The following NACC2 variants were observed in gnomAD, a reference collection of about 807,000 sequenced individuals.
NACC2 encodes NACC family member 2.
A neutral mutation model predicts 25.1 loss-of-function variants in NACC2; 8 were observed. The ratio of observed to expected loss-of-function variants is 0.32; its 90% CI spans 0.19 to 0.57. The LOEUF is 0.57. Among genes scored for constraint, NACC2 ranks in the 20% least tolerant of loss-of-function variants. The pLI is 0.89. For missense variants in NACC2, 644 were observed against 650.2 expected (o/e 0.99, Z 0.10); for synonymous variants, 435 against 294.7 (o/e 1.48, Z -4.88).
At chr9:136,081,165 T>G (rs1195855878) in intron 1 of NACC2, among the ~76,000 whole-genome samples, 1 of 152,068 alleles carries the variant, frequency 6.6e-6, no homozygotes, top group Non-Finnish European at 1.5e-5. Flanking sequence ...GGACCCTCAG[T>G]GGCCACTCGG....
chr9:136,093,033 C>T (rs978437364), intron 1 of NACC2, among the ~76,000 whole-genome samples: 1 of 152,188 alleles, frequency 6.6e-6, no homozygotes, highest in South Asian at 2.1e-4. Context: ...GGCCACTGGG[C>T]ACTCGGTGCC....
rs1840082341 is a variant in NACC2, at chr9:136,010,177, T to C, written c.*1339A>G. 1 of 152,464 alleles carries C rather than the reference T, an allele frequency of 6.6e-6. No individual in the cohort carries two copies. Among genetic ancestry groups the C allele is most frequent in the South Asian group, 2.1e-4 (1 of 4,854 alleles). 9.4% of individuals were successfully genotyped at this position (152,464 alleles called of 1,614,324 possible). ...TCTTCCATGGGCCCTTCCTCCACTG[T>C]CCCTGGCCCCCCAACATGATCCCTA... On this transcript the variant is annotated 3_prime_UTR_variant, in exon 6 of 6. Transcript: ENST00000277554. This position sits in a 1 kb window ranked among gnomAD's most constrained non-coding sequence, Gnocchi z 4.9.
At chr9:136,045,482 C>T (rs1350919000) in intron 2 of NACC2, among the ~76,000 whole-genome samples, 1 of 151,898 alleles carries the variant, frequency 6.6e-6, no homozygotes, top group Non-Finnish European at 1.5e-5. Flanking sequence ...GTGACATCTG[C>T]CAGCTGCAAT....
chr9:136,087,465 C>T (rs1025697847), intron 1 of NACC2, among the ~76,000 whole-genome samples: 1 of 152,200 alleles, frequency 6.6e-6, no homozygotes, highest in African/African-American at 2.4e-5. Context: ...ACCCCCAGAG[C>T]GGCATTCGCA....
At position 136,016,331 on chromosome 9, in the gene NACC2, C is replaced by T. The variant is rs761264382; in HGVS notation, c.985G>A (p.Gly329Arg). The T allele has an allele frequency of 1.2e-6, 2 of 1,612,688 alleles. No individual in the cohort carries two copies. The highest frequency in any genetic ancestry group is 1.1e-5 in the South Asian group (1 of 91,050). ...ALPASLISQI[G>R]YRCHPKLYSE... ...TAGAGCTTGGGATGGCAGCGGTATC[C>T]GATCTGGCTGATGAGGCTGGCAGGT... The change falls in exon 3 of 6, where the codon GGA (glycine) becomes AGA (arginine). Residue 329 changes from glycine (G) to arginine (R), a missense_variant. Coordinates refer to ENST00000277554, the MANE Select transcript of NACC2 (RefSeq NM_144653.5).
chr9:136,051,245 T>C (rs1411733658), intron 1 of NACC2, among the ~76,000 whole-genome samples: 1 of 152,164 alleles, frequency 6.6e-6, no homozygotes, highest in Non-Finnish European at 1.5e-5. Flanking sequence ...GAGACCACCC[T>C]GGGCGCGCCC....
intron 1 of NACC2, among the ~76,000 whole-genome samples, chr9:136,063,923 A>C (rs1841047750): frequency 6.6e-6 from 1 of 151,924 alleles, no homozygotes; most frequent in Non-Finnish European, 1.5e-5. Flanking sequence ...TCACTTAAAC[A>C]GCTGTGCCCT....
At chr9:136,023,699 G>A (rs1840332032) in intron 2 of NACC2, among the ~76,000 whole-genome samples, 1 of 152,178 alleles carries the variant, frequency 6.6e-6, no homozygotes, top group African/African-American at 2.4e-5. Context: ...ACTTGCCCAA[G>A]GACATCCTCG....
chr9:136,015,010 C>T (rs1385816346), intron 3 of NACC2, among the ~76,000 whole-genome samples: 1 of 152,166 alleles, frequency 6.6e-6, no homozygotes, highest in African/African-American at 2.4e-5. Context: ...CCAGGTGCGC[C>T]TGCTTCCAGG....
rs558327136 is a variant in NACC2 at position 136,084,153 on chromosome 9, C to T, written c.-60+11036G>A. 6.6e-6 allele frequency among the ~76,000 whole-genome samples: 1 copy of T among 152,058 alleles called. No homozygotes were observed. Among genetic ancestry groups the T allele is most frequent in the Non-Finnish European group, 1.5e-5 (1 of 67,996 alleles). ...ACATGGATCCAGCCAGGAGGGGACC[C>T]GTCTTTCCAGGAGCAGTGGGTTCCG... On this transcript the variant is annotated intron_variant, in intron 1 of 5. Coordinates refer to ENST00000277554, the MANE Select transcript of NACC2 (RefSeq NM_144653.5). This position sits in a 1 kb window ranked among gnomAD's most constrained non-coding sequence, Gnocchi z 5.1.
In NACC2 at chr9:136,086,384, G is replaced by A. The variant is rs1304728436; in HGVS notation, c.-60+8805C>T. 6.6e-6 allele frequency among the ~76,000 whole-genome samples: 1 copy of A among 152,178 alleles called. No homozygotes were observed. The highest frequency in any genetic ancestry group is 1.9e-4 in the East Asian group (1 of 5,182). ...CAGGAGCCTGGTGAGGCCTAGGGCT[G>A]AGCCCTGGGGCAGCTGCTGGTCTGG... On this transcript the variant is annotated intron_variant, in intron 1 of 5. Transcript: ENST00000277554. The surrounding 1 kb of genome is among the most constrained non-coding windows in gnomAD (Gnocchi z 5.6).
intron 2 of NACC2, among the ~76,000 whole-genome samples, chr9:136,030,609 CA>C (rs5901094): frequency 0.16 from 23,051 of 145,458 alleles, 2,018 homozygotes; most frequent in African/African-American, 0.23. Context: ...GACTCCGTCT[CA>C]AAAAAAAAAT....
chr9:136,087,845 G>A (rs981896229), intron 1 of NACC2, among the ~76,000 whole-genome samples: 2 of 152,206 alleles, frequency 1.3e-5, no homozygotes, highest in South Asian at 2.1e-4. Context: ...GTCCTCCCCG[G>A]TCTGAGCTGC....
At chr9:136,047,027 G>A (rs543488717) in intron 2 of NACC2, among the ~76,000 whole-genome samples, 8 of 152,282 alleles carry the variant, frequency 5.3e-5, no homozygotes, top group Non-Finnish European at 1.0e-4. Context: ...GCTCAGGCCC[G>A]CCTCTCACTC....
At chr9:136,095,008 G>T (rs1347648775) in intron 1 of NACC2, among the ~76,000 whole-genome samples, 181 bp downstream of exon 1, 1 of 145,898 alleles carries the variant, frequency 6.9e-6, no homozygotes, top group Non-Finnish European at 1.5e-5. Context: ...CGGTTCCCGC[G>T]CGCACGCCCG....
intron 2 of NACC2, among the ~76,000 whole-genome samples, chr9:136,048,734 G>A (rs1396580865): frequency 2.0e-5 from 3 of 152,228 alleles, no homozygotes; most frequent in African/African-American, 7.2e-5. Context: ...CTGGCCTAGG[G>A]GTCCAAGCTG....
chr9:136,061,156 G>A (rs11103299), intron 1 of NACC2, among the ~76,000 whole-genome samples: 18 of 152,060 alleles, frequency 1.2e-4, no homozygotes. Flanking sequence ...CCCCATCCGG[G>A]TCTGCACAGC....
chr9:136,081,173 C>G (rs1030321292), intron 1 of NACC2, among the ~76,000 whole-genome samples: 1 of 152,152 alleles, frequency 6.6e-6, no homozygotes, highest in Non-Finnish European at 1.5e-5. Flanking sequence ...AGTGGCCACT[C>G]GGGGACTCTC....
intron 1 of NACC2, among the ~76,000 whole-genome samples, chr9:136,087,227 GCA>G (rs1830388286): frequency 6.6e-6 from 1 of 152,212 alleles, no homozygotes. Context: ...CCCTGAAGAT[GCA>G]CAGAGTGTCA....
Sources: allele counts gnomAD v4.1 joint callset (sites outside exome capture counted in the v4.1 genomes callset), GRCh38; gene constraint gnomAD v4.1.1; non-coding constraint Gnocchi (gnomAD v3.1); transcripts MANE v1.5; gene names NCBI Gene and HGNC (gene_info 2026-07-23, HGNC 2026-07-21).